MAST4: variants seen among roughly 807,000 people sequenced by gnomAD.
MAST4 encodes the protein microtubule associated serine/threonine kinase family member 4.
In MAST4, 89 loss-of-function variants were observed where a neutral mutation model predicts 162.7. The ratio of observed to expected loss-of-function variants is 0.55; its 90% confidence interval spans 0.46 to 0.65. The LOEUF (loss-of-function observed/expected upper bound fraction) is 0.65. Among genes scored for constraint, MAST4 ranks in the 30% least tolerant of loss-of-function variants. MAST4 has a pLI of 0.00. For missense variants in MAST4, 3,153 were observed against 3,374.0 expected (o/e 0.93, Z 1.62); for synonymous variants, 1,479 against 1,361.1 (o/e 1.09, Z -1.91).
intron 4 of MAST4, among the ~76,000 whole-genome samples, chr5:66,917,700 A>T (rs1294718837): frequency 2.0e-5 from 3 of 151,856 alleles, no homozygotes; most frequent in Non-Finnish European, 2.9e-5. Context: ...ACATATAAAG[A>T]TGCCATATAT....
At chr5:66,610,420 G>A (rs1181620889) in intron 1 of MAST4, among the ~76,000 whole-genome samples, 1 of 152,176 alleles carries the variant, frequency 6.6e-6, no homozygotes, top group African/African-American at 2.4e-5. Context: ...CTAGGAATGG[G>A]GTAATAGTGC....
intron 5 of MAST4, among the ~76,000 whole-genome samples, chr5:67,089,049 C>T (rs1201360548): frequency 6.6e-6 from 1 of 152,218 alleles, no homozygotes; most frequent in East Asian, 1.9e-4. Context: ...TCCTTACACC[C>T]AATTACAATA....
At chr5:66,932,862 C>T (rs1026450065) in intron 4 of MAST4, among the ~76,000 whole-genome samples, 2 of 152,110 alleles carry the variant, frequency 1.3e-5, no homozygotes, top group African/African-American at 4.8e-5. Context: ...TCTTTTTATT[C>T]ATCTGAAGTC....
chr5:66,977,331 C>T lies in MAST4; in HGVS notation c.675-77073C>T, dbSNP rs556158742. Among the ~76,000 whole-genome samples the T allele has an allele frequency of 3.9e-5, 6 of 152,154 alleles. No homozygotes were observed. In the East Asian group the frequency reaches 7.7e-4, roughly 20 times the overall value. On this transcript the variant is annotated intron_variant, in intron 4 of 28. Coordinates refer to ENST00000403625, the MANE Select transcript of MAST4 (RefSeq NM_001164664.2). ...GTCAGGCAGGTCTCTTAACTCCCAACCTCAGGTGATCCACCCGCCTCAGTC... is the reference window on the plus strand; with the variant it reads ...GTCAGGCAGGTCTCTTAACTCCCAATCTCAGGTGATCCACCCGCCTCAGTC...
intron 3 of MAST4, among the ~76,000 whole-genome samples, chr5:66,801,201 C>T (rs1755901615): frequency 6.6e-6 from 1 of 152,030 alleles, no homozygotes. Context: ...TTTAACAGGC[C>T]TGTGTATCTC....
At chr5:66,764,114 G>A (rs1488819553) in intron 2 of MAST4, among the ~76,000 whole-genome samples, 1 of 152,204 alleles carries the variant, frequency 6.6e-6, no homozygotes, top group Non-Finnish European at 1.5e-5. Context: ...CTCAATGGTA[G>A]ACAACAAGAA....
intron 3 of MAST4, among the ~76,000 whole-genome samples, chr5:66,840,498 T>C (rs1412891850): frequency 6.6e-6 from 1 of 152,114 alleles, no homozygotes; most frequent in Non-Finnish European, 1.5e-5. Context: ...ACTTGGGTAG[T>C]GTGATAGATT....
chr5:67,075,979 C>T (rs1761597157), intron 5 of MAST4, among the ~76,000 whole-genome samples: 1 of 152,064 alleles, frequency 6.6e-6, no homozygotes, highest in South Asian at 2.1e-4. Flanking sequence ...TGTAACATTG[C>T]CCATGATTAA....
chr5:66,619,003 A>G (rs773287651), intron 1 of MAST4, among the ~76,000 whole-genome samples: 4 of 152,194 alleles, frequency 2.6e-5, no homozygotes, highest in African/African-American at 4.8e-5. Flanking sequence ...CAACGCACTA[A>G]ATGCTGGCCT....
At chr5:66,984,047 G>T (rs1581105214) in intron 4 of MAST4, among the ~76,000 whole-genome samples, 1 of 152,164 alleles carries the variant, frequency 6.6e-6, no homozygotes, top group Non-Finnish European at 1.5e-5. Flanking sequence ...TAGGGATACG[G>T]TGACAGACAG....
chr5:66,923,798 T>C (rs1764701537), intron 4 of MAST4, among the ~76,000 whole-genome samples: 1 of 152,180 alleles, frequency 6.6e-6, no homozygotes, highest in Non-Finnish European at 1.5e-5. Flanking sequence ...TTCAAGTTGT[T>C]TGGGGAGAAG....
chr5:66,882,290 G>A (rs1037583807), intron 3 of MAST4, among the ~76,000 whole-genome samples: 1 of 151,942 alleles, frequency 6.6e-6, no homozygotes, highest in African/African-American at 2.4e-5. Flanking sequence ...TCAAATTTGG[G>A]GATGTCCTTG....
intron 4 of MAST4, among the ~76,000 whole-genome samples, chr5:66,944,482 A>G (rs1432512448): frequency 1.3e-5 from 2 of 152,146 alleles, no homozygotes; most frequent in Admixed American, 6.6e-5. Flanking sequence ...CTTTCTAAAT[A>G]AGACTTTCTT....
chr5:67,130,275 A>G lies in MAST4; in HGVS notation c.1811A>G (p.Gln604Arg). Residue 604 changes from glutamine to arginine, a missense_variant, in exon 15 of 29, where the codon CAG (glutamine) becomes CGG (arginine). Physicochemically the swap from Gln to Arg is conservative, Grantham distance 43. This residue lies in a region of MAST4 where 131 missense variants were observed against 253.8 expected (regional missense o/e 0.52). Coordinates refer to ENST00000403625, the MANE Select transcript of MAST4 (RefSeq NM_001164664.2). ...TTTGCCATGAAGAAGATTAATAAACAGAACCTCATCCTTCGAAACCAGATC... is the reference window on the plus strand; with the variant it reads ...TTTGCCATGAAGAAGATTAATAAACGGAACCTCATCCTTCGAAACCAGATC... Reference protein sequence around the residue: ...QRFAMKKINKQNLILRNQIQQ... With the variant: ...QRFAMKKINKRNLILRNQIQQ... 2 of 1,613,832 alleles carry G rather than the reference A, an allele frequency of 1.2e-6. No individual in the cohort carries two copies. Among genetic ancestry groups the G allele is most frequent in the Non-Finnish European group, 1.7e-6 (2 of 1,179,794 alleles).
chr5:66,775,935 C>T (rs1317440699), intron 2 of MAST4, among the ~76,000 whole-genome samples: 2 of 152,096 alleles, frequency 1.3e-5, no homozygotes, highest in Middle Eastern at 3.2e-3. Context: ...ATATTACATT[C>T]TTCAGGTAGC....
chr5:66,774,269 C>A (rs10447108), intron 2 of MAST4, among the ~76,000 whole-genome samples: 1 of 152,090 alleles, frequency 6.6e-6, no homozygotes, highest in East Asian at 1.9e-4. Context: ...CTGTTTCTGT[C>A]TTGGTCTTGG....
At chr5:66,845,425 C>T (rs181628972) in intron 3 of MAST4, among the ~76,000 whole-genome samples, 9 of 151,862 alleles carry the variant, frequency 5.9e-5, no homozygotes, top group East Asian at 5.9e-4. Flanking sequence ...AGCTTCATGT[C>T]GCTACAAAGG....
intron 5 of MAST4, among the ~76,000 whole-genome samples, chr5:67,076,395 G>A (rs920639815): frequency 1.3e-5 from 2 of 152,040 alleles, no homozygotes; most frequent in Non-Finnish European, 2.9e-5. Flanking sequence ...AGATGCATGT[G>A]TCTGTTTACT....
intron 24 of MAST4, among the ~76,000 whole-genome samples, chr5:67,152,378 G>C (rs568059663): frequency 6.6e-6 from 1 of 152,340 alleles, no homozygotes; most frequent in African/African-American, 2.4e-5. Flanking sequence ...TAACATGAGA[G>C]TATTGAAATT....
Sources: allele counts gnomAD v4.1 joint callset (sites outside exome capture counted in the v4.1 genomes callset), GRCh38; gene constraint gnomAD v4.1.1; regional missense constraint gnomAD v4.1.1; transcripts MANE v1.5; gene names NCBI Gene and HGNC (gene_info 2026-07-23, HGNC 2026-07-21).